AHCTF1: variants seen among roughly 807,000 people sequenced by gnomAD.
AHCTF1 encodes the protein AT-hook containing transcription factor 1, also known as protein ELYS.
Under a neutral mutation model 248.4 loss-of-function variants are expected in AHCTF1, and 24 were observed. The observed-to-expected ratio is 0.10, with a 90% CI of 0.07 to 0.14. The LOEUF (loss-of-function observed/expected upper bound fraction) is 0.14. Ranked by LOEUF, AHCTF1 falls within the 10% of genes least tolerant of loss-of-function variation. The pLI is 1.00. For missense variants in AHCTF1, 2,206 were observed against 2,636.2 expected (o/e 0.84, Z 3.57); for synonymous variants, 786 against 929.8 (o/e 0.85, Z 2.81).
At chr1:246,921,924 C>T (rs898752192) in intron 1 of AHCTF1, among the ~76,000 whole-genome samples, 6 of 152,254 alleles carry the variant, frequency 3.9e-5, no homozygotes, top group Middle Eastern at 3.4e-3. Context: ...CTGGTATATA[C>T]ACAGAAAAAA....
At chr1:246,909,826 G>T (rs1449807428) in intron 4 of AHCTF1, among the ~76,000 whole-genome samples, 2 of 152,194 alleles carry the variant, frequency 1.3e-5, no homozygotes, top group Admixed American at 6.5e-5. Context: ...CCTGTACACT[G>T]TAGGACGCTA....
intron 33 of AHCTF1, among the ~76,000 whole-genome samples, chr1:246,848,497 G>C (rs190937167): frequency 6.6e-6 from 1 of 151,254 alleles, no homozygotes; most frequent in East Asian, 2.0e-4. Flanking sequence ...CACCGTGACC[G>C]GCCAAGTCAT....
At position 246,851,082 on chromosome 1, in the gene AHCTF1, G is replaced by A. The variant is rs1660679521; in HGVS notation, c.4924C>T (p.Pro1642Ser). 5 of 1,613,856 alleles carry A rather than the reference G, an allele frequency of 3.1e-6. No individual in the cohort carries two copies. Among genetic ancestry groups the A allele is most frequent in the Non-Finnish European group, 4.2e-6 (5 of 1,179,840 alleles). Reference protein sequence around the residue: ...NDNHGQIANLPSAVTSDQKSQ... With the variant: ...NDNHGQIANLSSAVTSDQKSQ... ...TTTTGGTCACTAGTTACGGCAGATG[G>A]CAAATTTGCAATTTGTCCATGATTA... Residue 1642 changes from proline to serine, a missense_variant, in exon 33 of 36, where the codon CCA becomes TCA. Around this residue, in one of 6 missense-constraint regions of AHCTF1, gnomAD observed 955 missense variants for 1,055.6 expected, o/e 0.90. Coordinates refer to ENST00000648844, the MANE Select transcript of AHCTF1 (RefSeq NM_001323342.2).
At chr1:246,911,384 ATTC>A (rs770125274) in intron 4 of AHCTF1, among the ~76,000 whole-genome samples, 3 of 151,586 alleles carry the variant, frequency 2.0e-5, no homozygotes, top group African/African-American at 4.8e-5. Flanking sequence ...TTGCTCATCA[ATTC>A]TTTTCATTTA....
At chr1:246,914,777 C>G (rs937065797) in intron 3 of AHCTF1, among the ~76,000 whole-genome samples, 3 of 152,248 alleles carry the variant, frequency 2.0e-5, no homozygotes, top group African/African-American at 7.2e-5. Flanking sequence ...CTTCCATACA[C>G]CAACCATGCA....
At chr1:246,849,524 T>G (rs1660536742) in intron 33 of AHCTF1, 91 bp downstream of exon 33, 1 of 1,485,894 alleles carries the variant, frequency 6.7e-7, no homozygotes, top group East Asian at 2.3e-5. Flanking sequence ...GGGGAAAAAT[T>G]CCCTATAAAA....
In AHCTF1 at chr1:246,898,117, T is replaced by G. The variant is rs140831558; in HGVS notation, c.1623+91A>C. The G allele has an allele frequency of 1.1e-3, 1,771 of 1,553,724 alleles. 18 individuals carry two copies. Among genetic ancestry groups the G allele is most frequent in the Non-Finnish European group, 2.3e-4 (263 of 1,139,160 alleles). On this transcript the variant is annotated intron_variant, in intron 12 of 35. Transcript: ENST00000648844. Reference sequence around the variant, plus strand: ...CAGCATTACACTACTTCACCTATTTTTGCAGAAATTATCTAATACATTTTT... The same window carrying G: ...CAGCATTACACTACTTCACCTATTTGTGCAGAAATTATCTAATACATTTTT...
chr1:246,911,725 C>T (rs1409888866), intron 4 of AHCTF1, among the ~76,000 whole-genome samples: 2 of 152,140 alleles, frequency 1.3e-5, no homozygotes, highest in Non-Finnish European at 2.9e-5. Context: ...CTCAAGTGAT[C>T]CACCCGCCTT....
chr1:246,898,525 ATAC>A lies in AHCTF1; in HGVS notation c.1495-192_1495-190del, dbSNP rs941937162. 3.3e-5 allele frequency among the ~76,000 whole-genome samples: 5 copies of A among 152,146 alleles called. 1 individual carries two copies. Among genetic ancestry groups the A allele is most frequent in the South Asian group, 2.1e-4 (1 of 4,824 alleles). On this transcript the variant is annotated intron_variant, in intron 11 of 35. Transcript: ENST00000648844. ...CTTAACCAATGCTTGCTAGTTGTGA[ATAC>A]TACTATTAGCAAAAGGTAGCTTATA... is the stretch of plus-strand genomic sequence containing the variant.
intron 33 of AHCTF1, among the ~76,000 whole-genome samples, chr1:246,846,351 G>A (rs900956247): frequency 1.3e-5 from 2 of 151,978 alleles, no homozygotes; most frequent in African/African-American, 2.4e-5. Context: ...TATGGTAACA[G>A]TATAAAGGGC....
rs538298602 is a variant in AHCTF1, at chr1:246,909,120, T to C, written c.557-1362A>G. Among the ~76,000 whole-genome samples the C allele has an allele frequency of 2.0e-5, 3 of 149,940 alleles. No individual in the cohort carries two copies. In the East Asian group the frequency reaches 5.9e-4, roughly 29 times the overall value. On this transcript the variant is annotated intron_variant, in intron 4 of 35. Transcript: ENST00000648844. ...CTATCTATCTATCTATTTATATATA[T>C]ATAAAATTCAGCCAGGTGAGGTGGC...
chr1:246,918,576 G>GGAGACCATCCTGGCTAAC (rs1666308365), intron 1 of AHCTF1, among the ~76,000 whole-genome samples, 199 bp from the exon 2 acceptor site: 1 of 152,182 alleles, frequency 6.6e-6, no homozygotes, highest in Non-Finnish European at 1.5e-5. Context: ...GCAGGCGGAT[G>GGAGACCATCCTGGCTAAC]AACTGATCCC....
At chr1:246,872,767 G>T (rs1662687958) in intron 24 of AHCTF1, among the ~76,000 whole-genome samples, 1 of 152,156 alleles carries the variant, frequency 6.6e-6, no homozygotes, top group Non-Finnish European at 1.5e-5. Flanking sequence ...GAGCTTGCTT[G>T]GCATGATTGA....
chr1:246,907,411 T>C lies in AHCTF1; in HGVS notation c.764+140A>G, dbSNP rs186689763. The C allele has an allele frequency of 7.1e-3, 5,028 of 708,296 alleles. 45 individuals carry two copies. The highest frequency in any genetic ancestry group is 0.021 in the Middle Eastern group (69 of 3,238). 43.9% of individuals were successfully genotyped at this position (708,296 alleles called of 1,614,324 possible). On this transcript the variant is annotated intron_variant, in intron 5 of 35. Coordinates refer to ENST00000648844, the MANE Select transcript of AHCTF1 (RefSeq NM_001323342.2). ...ACATTGATTTAATGCCATGAAAAAT[T>C]AGTCATCTCAATCATTCATTCAATC...
intron 24 of AHCTF1, among the ~76,000 whole-genome samples, chr1:246,869,548 C>T (rs1662408704): frequency 6.6e-6 from 1 of 152,094 alleles, no homozygotes. Context: ...TAGCTGATGA[C>T]TTTAAATTAA....
At chr1:246,918,089 G>A (rs1666269887) in intron 2 of AHCTF1, among the ~76,000 whole-genome samples, 161 bp downstream of exon 2, 1 of 152,110 alleles carries the variant, frequency 6.6e-6, no homozygotes, top group African/African-American at 2.4e-5. Flanking sequence ...ACATGTTTAA[G>A]AGCTTATAGA....
rs1663001939 is a variant in AHCTF1, at chr1:246,876,801, C to G, written c.2937+149G>C. On this transcript the variant is annotated intron_variant, in intron 23 of 35. Transcript: ENST00000648844. ...ACGTGGTAATACCCTGTTCCCAATT[C>G]TGTTACAGAGATGAACTGAGGATTC... 7.3e-6 allele frequency: 7 copies of G among 964,648 alleles called. No individual in the cohort carries two copies. The South Asian group carries it at 1.0e-4, about 14-fold the overall frequency. 59.8% of individuals were successfully genotyped at this position (964,648 alleles called of 1,614,324 possible).
Position 246,895,885 on chromosome 1 carries a change from G to C in AHCTF1, c.1664C>G (p.Thr555Ser). 4 of 1,613,522 alleles carry C rather than the reference G, an allele frequency of 2.5e-6. No individual in the cohort carries two copies. The Admixed American group carries it at 5.0e-5, about 20-fold the overall frequency. The part of the protein sequence containing the change: ...LEAILSAAIQ[T>S]SSLGLLTGYI... ...ACCAGTCAAAAGTCCCAGGGAACTA[G>C]TCTGAATTGCTGCTGACAATATAGC... The change falls in exon 13 of 36, where the codon ACT becomes AGT. Residue 555 changes from threonine (T) to serine (S), a missense_variant. Coordinates refer to ENST00000648844, the MANE Select transcript of AHCTF1 (RefSeq NM_001323342.2).
chr1:246,839,553 ACTG>A lies in AHCTF1; in HGVS notation c.*1250_*1252del, dbSNP rs1230500664. On this transcript the variant is annotated 3_prime_UTR_variant, in exon 36 of 36. Coordinates refer to ENST00000648844, the MANE Select transcript of AHCTF1 (RefSeq NM_001323342.2). ...AACCTGACTAAAAGGCCGCACTCGC[ACTG>A]CTTTCACACTGTCAACACTTTGCGT... 4 of 985,898 alleles carry A rather than the reference ACTG, an allele frequency of 4.1e-6. No homozygotes were observed. The African/African-American group carries it at 5.2e-5, about 13-fold the overall frequency. 61.1% of individuals were successfully genotyped at this position (985,898 alleles called of 1,614,324 possible).
Sources: gnomAD v4.1 joint callset for allele counts (sites outside exome capture counted in the v4.1 genomes callset) on GRCh38, gnomAD v4.1.1 for gene constraint, gnomAD v4.1.1 regional missense constraint, MANE v1.5 for transcripts, NCBI Gene and HGNC (gene_info 2026-07-23, HGNC 2026-07-21) for gene names.